The following MYH7B variants were observed in gnomAD, a reference collection of about 807,000 sequenced individuals.
The protein encoded by MYH7B is myosin-7B.
MYH7B carries 205 observed loss-of-function variants against 234.5 expected under a neutral mutation model. That is an observed-to-expected ratio of 0.87 (90% CI 0.78 to 0.98). The LOEUF is 0.98. Among genes scored for constraint, MYH7B ranks in the 50% least tolerant of loss-of-function variants. MYH7B has a pLI of 0.00. For synonymous variants in MYH7B, 1,193 were observed against 1,105.0 expected (o/e 1.08, Z -1.58); for missense variants, 2,652 against 2,633.4 (o/e 1.01, Z -0.15).
At chr20:34,992,950 C>A (rs2147217211) in intron 24 of MYH7B, 152 bp from the exon 25 acceptor site, 2 of 927,868 alleles carry the variant, frequency 2.2e-6, no homozygotes, top group Non-Finnish European at 3.3e-6. Flanking sequence ...TTGGCATGTG[C>A]CCTGCTGGAA....
At chr20:34,990,340 C>T in intron 22 of MYH7B, 30 bp downstream of exon 22, 4 of 1,613,184 alleles carry the variant, frequency 2.5e-6, no homozygotes, top group Non-Finnish European at 3.4e-6. Context: ...ACAGACCCTC[C>T]CTCTTGGCAG....
chr20:35,002,327 A>G (rs923078053), exon 45 of MYH7B: 14 of 931,608 alleles, frequency 1.5e-5, no homozygotes, highest in Non-Finnish European at 2.0e-5. Flanking sequence ...CACCACAGCC[A>G]GTTTCCTTCT....
At chr20:34,988,622 T>C (rs889443119) in intron 19 of MYH7B, among the ~76,000 whole-genome samples, 15 of 152,086 alleles carry the variant, frequency 9.9e-5, no homozygotes, top group African/African-American at 3.6e-4. Flanking sequence ...AGAACTGCCC[T>C]GGGTGCAGGG....
chr20:34,980,446 A>C (rs1162388082), intron 7 of MYH7B, 132 bp from the exon 8 acceptor site: 2 of 762,650 alleles, frequency 2.6e-6, no homozygotes, highest in East Asian at 2.5e-5. Context: ...CTACCCTGGG[A>C]GGCTGAGGCA....
At position 35,000,709 on chromosome 20, in the gene MYH7B, G is replaced by T; in HGVS notation, c.5178+20G>T. The stretch of plus-strand genomic sequence containing the variant: ...TCGCAGGTGGGGACAGGAGTCCCTG[G>T]GGACAGAGCAGGTGCAGGCCTGCTG... On this transcript the variant is annotated intron_variant, in intron 39 of 44. Coordinates refer to ENST00000262873, the Ensembl canonical transcript of MYH7B. 6.2e-7 allele frequency: 1 copy of T among 1,601,204 alleles called. No individual in the cohort carries two copies. The highest frequency in any genetic ancestry group is 2.3e-5 in the East Asian group (1 of 44,380).
chr20:34,965,572 C>T (rs1046823221), intron 2 of MYH7B, among the ~76,000 whole-genome samples: 1 of 152,250 alleles, frequency 6.6e-6, no homozygotes, highest in Non-Finnish European at 1.5e-5. Flanking sequence ...CAAGAAAGAC[C>T]TGTCTTGTGG....
At chr20:34,993,562 G>A in intron 26 of MYH7B, 92 bp downstream of exon 26, 3 of 1,367,048 alleles carry the variant, frequency 2.2e-6, no homozygotes, top group South Asian at 1.5e-5. Flanking sequence ...ATGCTGCCCT[G>A]TAGTCAGATC....
At chr20:34,999,729 G>A in intron 37 of MYH7B, 34 bp downstream of exon 37, 1 of 1,609,010 alleles carries the variant, frequency 6.2e-7, no homozygotes, top group East Asian at 2.2e-5. Flanking sequence ...GGTGGACACT[G>A]ACCTGCTGCT....
intron 43 of MYH7B, 114 bp downstream of exon 43, chr20:35,001,640 G>GGAAGA: frequency 1.1e-6 from 1 of 947,248 alleles, no homozygotes; most frequent in Middle Eastern, 3.3e-4. Context: ...TGACCCAGAG[G>GGAAGA]GAAGAGAGAA....
At chr20:34,955,870 C>G (rs1351367363) in exon 1 of MYH7B, 3 of 152,390 alleles carry the variant, frequency 2.0e-5, no homozygotes, top group African/African-American at 4.8e-5. Flanking sequence ...AGACCCATAC[C>G]TTTGGCGCTG....
At chr20:35,001,653 TTCTAACATC>T in intron 43 of MYH7B, 127 bp downstream of exon 43, 1 of 877,232 alleles carries the variant, frequency 1.1e-6, no homozygotes, top group South Asian at 1.7e-5. Context: ...AGAGAGAAGC[TTCTAACATC>T]TCTGGGGAGA....
At position 34,989,816 on chromosome 20, in the gene MYH7B, T is replaced by C. The variant is rs752762347; in HGVS notation, c.1664T>C (p.Leu555Pro). 5.0e-6 allele frequency: 8 copies of C among 1,614,044 alleles called. No homozygotes were observed. The East Asian group carries it at 1.6e-4, about 31-fold the overall frequency. ...TCAGACGCCAGCTTCCGGGCCAAGC[T>C]CTACGACAACCACGCGGGGAAGTCA... The change falls in exon 20 of 45, where the codon CTC becomes CCC. Residue 555 changes from leucine to proline, a missense_variant. Physicochemically the swap from Leu to Pro is moderately conservative, Grantham distance 98. This residue lies in a region of MYH7B where 2,279 missense variants were observed against 2,211.4 expected (regional missense o/e 1.03). Transcript: ENST00000262873.
intron 2 of MYH7B, among the ~76,000 whole-genome samples, chr20:34,972,156 C>T (rs569450011): frequency 1.2e-4 from 18 of 152,324 alleles, no homozygotes; most frequent in African/African-American, 4.1e-4. Flanking sequence ...CACATTTCTG[C>T]TCTCACAGGC....
At chr20:34,970,533 G>A (rs1407831164) in intron 2 of MYH7B, among the ~76,000 whole-genome samples, 1 of 152,146 alleles carries the variant, frequency 6.6e-6, no homozygotes, top group African/African-American at 2.4e-5. Flanking sequence ...CCTGCCTCCC[G>A]GGATCTATTT....
chr20:34,981,282 C>T (rs2081937413), intron 9 of MYH7B: 2 of 518,500 alleles, frequency 3.9e-6, no homozygotes, highest in Non-Finnish European at 6.7e-6. Context: ...GGGACACCCA[C>T]AAACGGAGTG....
In MYH7B at chr20:35,000,506, C is replaced by G. The variant is rs148157021; in HGVS notation, c.4995C>G (p.Asp1665Glu). 32 of 1,596,770 alleles carry G rather than the reference C, an allele frequency of 2.0e-5. No individual in the cohort carries two copies. The African/African-American group carries it at 3.9e-4, about 19-fold the overall frequency. ...TCAAGGAGGAGCAGGCAGGGCGGGA[C>G]GAGGAGCAGCGGCTGGCAGCTGAGC... The change falls in exon 39 of 45, where the codon GAC becomes GAG. Residue 1665 changes from aspartate to glutamate, a missense_variant. By Grantham distance (45) the Asp-to-Glu change is conservative (BLOSUM62 2). Coordinates refer to ENST00000262873, the Ensembl canonical transcript of MYH7B.
At chr20:34,960,077 A>T (rs1309573202) in intron 2 of MYH7B, among the ~76,000 whole-genome samples, 1 of 152,138 alleles carries the variant, frequency 6.6e-6, no homozygotes, top group Admixed American at 6.5e-5. Flanking sequence ...AATCAATTTC[A>T]TCCTCTGTTC....
At chr20:34,999,822 T>C (rs754002138) in exon 38 of MYH7B, 1 of 1,528,544 alleles carries the variant, frequency 6.5e-7, no homozygotes, top group Non-Finnish European at 8.8e-7. Flanking sequence ...ACCAAGACGC[T>C]GCGGATCCAG....
chr20:34,975,084 G>A (rs932196778), intron 2 of MYH7B, among the ~76,000 whole-genome samples: 3 of 152,102 alleles, frequency 2.0e-5, no homozygotes, highest in Non-Finnish European at 2.9e-5. Flanking sequence ...ATTATATTGT[G>A]GATCAAGCAA....
Sources: gnomAD v4.1 joint callset for allele counts (sites outside exome capture counted in the v4.1 genomes callset) on GRCh38, gnomAD v4.1.1 for gene constraint, gnomAD v4.1.1 regional missense constraint, MANE v1.5 for transcripts, NCBI Gene and HGNC (gene_info 2026-07-23, HGNC 2026-07-21) for gene names.